BPGM: variants seen among roughly 807,000 people sequenced by gnomAD.
BPGM encodes bisphosphoglycerate mutase.
Under a neutral mutation model 21.6 loss-of-function variants are expected in BPGM, and 15 were observed. That is an observed-to-expected ratio of 0.70 (90% CI 0.47 to 1.07). The LOEUF (loss-of-function observed/expected upper bound fraction) is 1.07, where lower values mean the gene tolerates loss of function less well. Ranked by LOEUF, BPGM falls within the 50% of genes least tolerant of loss-of-function variation. The probability of loss-of-function intolerance (pLI) is 0.00; values close to 1 mark genes in which losing one functional copy is unlikely to be tolerated. For missense variants in BPGM, 273 were observed against 319.0 expected (o/e 0.86, Z 1.10); for synonymous variants, 113 against 116.2 (o/e 0.97, Z 0.18).
chr7:134,666,384 A>G (rs1795821908), intron 2 of BPGM, among the ~76,000 whole-genome samples: 1 of 152,160 alleles, frequency 6.6e-6, no homozygotes, highest in Non-Finnish European at 1.5e-5. Flanking sequence ...GGAGGTATCT[A>G]TGAGAGAGGT....
Position 134,666,963 on chromosome 7 carries a change from A to C in BPGM, c.601+4855A>C, listed in dbSNP as rs1331073021. On this transcript the variant is annotated intron_variant, in intron 2 of 2. Coordinates refer to ENST00000344924, the MANE Select transcript of BPGM (RefSeq NM_001724.5). Reference sequence around the variant, plus strand: ...TTTAGTGAGATTTTAGCCCTTTCAAAATTGATTGTAGATGTATTCACTCAC... The same window carrying C: ...TTTAGTGAGATTTTAGCCCTTTCAACATTGATTGTAGATGTATTCACTCAC... Among the ~76,000 whole-genome samples the C allele has an allele frequency of 2.0e-5, 3 of 152,134 alleles. No individual in the cohort carries two copies. The South Asian group carries it at 6.2e-4, about 32-fold the overall frequency.
At chr7:134,649,333 G>A (rs1357685745) in intron 1 of BPGM, among the ~76,000 whole-genome samples, 2 of 152,110 alleles carry the variant, frequency 1.3e-5, no homozygotes, top group Non-Finnish European at 2.9e-5. Flanking sequence ...AGTATAATGT[G>A]GCAGAAAAAT....
At chr7:134,670,928 G>T (rs1795893836) in intron 2 of BPGM, among the ~76,000 whole-genome samples, 1 of 151,990 alleles carries the variant, frequency 6.6e-6, no homozygotes. Flanking sequence ...AAAATTCAAA[G>T]ATTTTGAACA....
At chr7:134,662,375 A>G (rs1381395615) in intron 2 of BPGM, among the ~76,000 whole-genome samples, 1 of 152,212 alleles carries the variant, frequency 6.6e-6, no homozygotes, top group African/African-American at 2.4e-5. Context: ...TCCCACCCTC[A>G]GAGTTTCGGA....
At chr7:134,657,851 T>C (rs1233749974) in intron 1 of BPGM, among the ~76,000 whole-genome samples, 1 of 152,080 alleles carries the variant, frequency 6.6e-6, no homozygotes. Flanking sequence ...GTCTGTCCTT[T>C]GAAAGGCTGT....
chr7:134,653,944 A>T (rs1795595908), intron 1 of BPGM, among the ~76,000 whole-genome samples: 1 of 151,972 alleles, frequency 6.6e-6, no homozygotes, highest in South Asian at 2.1e-4. Context: ...CTTTGCCTTC[A>T]CTCACTGTTC....
chr7:134,649,334 G>A (rs1410241679), intron 1 of BPGM, among the ~76,000 whole-genome samples: 1 of 152,186 alleles, frequency 6.6e-6, no homozygotes, highest in African/African-American at 2.4e-5. Context: ...GTATAATGTG[G>A]CAGAAAAATG....
chr7:134,657,953 G>C (rs1446585344), intron 1 of BPGM, among the ~76,000 whole-genome samples: 1 of 152,162 alleles, frequency 6.6e-6, no homozygotes, highest in East Asian at 1.9e-4. Context: ...TTTATCTGTG[G>C]CCTAGGGGAG....
At chr7:134,662,777 A>C (rs923097795) in intron 2 of BPGM, among the ~76,000 whole-genome samples, 4 of 152,242 alleles carry the variant, frequency 2.6e-5, no homozygotes, top group Admixed American at 2.6e-4. Flanking sequence ...TCTTGACTCT[A>C]AAAATTTGGA....
In BPGM at chr7:134,670,493, T is replaced by C. The variant is rs577065029; in HGVS notation, c.602-8360T>C. Among the ~76,000 whole-genome samples the C allele has an allele frequency of 3.3e-4, 50 of 152,366 alleles. 2 individuals carry two copies. In the Middle Eastern group the frequency reaches 0.02, roughly 62 times the overall value. On this transcript the variant is annotated intron_variant, in intron 2 of 2. Transcript: ENST00000344924. Reference sequence around the variant, plus strand: ...TAAACATTATAGGCTATTTTAACTATAAAATTAAACGTAGAATGGATTCTT... The same window carrying C: ...TAAACATTATAGGCTATTTTAACTACAAAATTAAACGTAGAATGGATTCTT...
intron 2 of BPGM, among the ~76,000 whole-genome samples, chr7:134,663,834 T>C (rs1312140691): frequency 6.6e-6 from 1 of 152,216 alleles, no homozygotes; most frequent in East Asian, 1.9e-4. Flanking sequence ...AAAACGATTC[T>C]ACAGCCCAAC....
Position 134,663,236 on chromosome 7 carries a change from T to C in BPGM, c.601+1128T>C, listed in dbSNP as rs1283959558. ...AGTAATCTTTAGCATGTGATTATTT[T>C]CCCCTAATTTTTATAACATGACCAA... On this transcript the variant is annotated intron_variant, in intron 2 of 2. Coordinates refer to ENST00000344924, the MANE Select transcript of BPGM (RefSeq NM_001724.5). Among the ~76,000 whole-genome samples the C allele has an allele frequency of 5.3e-5, 8 of 152,230 alleles. No homozygotes were observed. In the East Asian group the frequency reaches 1.5e-3, roughly 29 times the overall value.
In BPGM at chr7:134,662,124, A is replaced by G. The variant is rs1388369028; in HGVS notation, c.601+16A>G. 1.2e-6 allele frequency: 2 copies of G among 1,613,820 alleles called. No individual in the cohort carries two copies. Among genetic ancestry groups the G allele is most frequent in the African/African-American group, 2.7e-5 (2 of 75,040 alleles). ...CACCTGGAAGGTACCAGCTTTATAT[A>G]CCACTTATTAGAGGTTGCCAAGTGT... On this transcript the variant is annotated intron_variant, in intron 2 of 2. Coordinates refer to ENST00000344924, the MANE Select transcript of BPGM (RefSeq NM_001724.5).
intron 2 of BPGM, among the ~76,000 whole-genome samples, chr7:134,664,491 A>G (rs1301352422): frequency 1.3e-5 from 2 of 152,164 alleles, no homozygotes; most frequent in African/African-American, 4.8e-5. Flanking sequence ...AGTGACCTCC[A>G]TTTTAATGGG....
Position 134,661,528 on chromosome 7 carries a change from T to C in BPGM, c.21T>C (p.Ile7=), listed in dbSNP as rs1242407076. 10 of 1,614,186 alleles carry C rather than the reference T, an allele frequency of 6.2e-6. No individual in the cohort carries two copies. The East Asian group carries it at 2.2e-4, about 36-fold the overall frequency. MSKYKL[I]MLRHGEGAWN... is the part of the protein sequence containing the mutation. ...TCAGTATGTCCAAGTACAAACTTAT[T>C]ATGTTAAGACATGGAGAGGGTGCTT... Residue 7 remains isoleucine (I), a synonymous_variant, in exon 2 of 3, where the codon ATT becomes ATC. Transcript: ENST00000344924. The surrounding 1 kb of genome is among the most constrained non-coding windows in gnomAD (Gnocchi z 4.6).
intron 2 of BPGM, among the ~76,000 whole-genome samples, chr7:134,678,573 A>G (rs1796014409): frequency 6.6e-6 from 1 of 152,200 alleles, no homozygotes; most frequent in Non-Finnish European, 1.5e-5. Flanking sequence ...GGGCATAGAG[A>G]AAATAATTTT....
At chr7:134,664,840 A>G (rs1353737327) in intron 2 of BPGM, among the ~76,000 whole-genome samples, 1 of 152,238 alleles carries the variant, frequency 6.6e-6, no homozygotes, top group Non-Finnish European at 1.5e-5. Context: ...GCCAGCCACA[A>G]GGGATCACAT....
At chr7:134,676,309 T>C (rs1412941683) in intron 2 of BPGM, among the ~76,000 whole-genome samples, 2 of 152,230 alleles carry the variant, frequency 1.3e-5, no homozygotes, top group African/African-American at 4.8e-5. Flanking sequence ...CATCTATGAG[T>C]GGTGAATCCA....
At chr7:134,650,871 G>T (rs758667170) in intron 1 of BPGM, among the ~76,000 whole-genome samples, 1 of 152,216 alleles carries the variant, frequency 6.6e-6, no homozygotes, top group African/African-American at 2.4e-5. Context: ...CTTGCAGCGA[G>T]CCGAGATCAC....
Sources: gnomAD v4.1 joint callset for allele counts (sites outside exome capture counted in the v4.1 genomes callset) on GRCh38, gnomAD v4.1.1 for gene constraint, Gnocchi (gnomAD v3.1) non-coding constraint, MANE v1.5 for transcripts, NCBI Gene and HGNC (gene_info 2026-07-23, HGNC 2026-07-21) for gene names.